OTUD7A: variants seen among roughly 807,000 people sequenced by gnomAD.
OTUD7A encodes OTU domain-containing protein 7A.
A neutral mutation model predicts 65.7 loss-of-function variants in OTUD7A; 12 were observed. The observed-to-expected ratio is 0.18, with a 90% confidence interval of 0.12 to 0.30. The LOEUF (loss-of-function observed/expected upper bound fraction) is 0.30, where lower values mean the gene tolerates loss of function less well. OTUD7A is among the 10% of genes least tolerant of loss of function. The pLI, the probability that OTUD7A is intolerant of heterozygous loss-of-function variation, is 1.00. For missense variants in OTUD7A, 1,148 were observed against 1,304.8 expected, an observed-to-expected ratio of 0.88 and a Z score of 1.85; for synonymous variants, 641 against 586.3, an observed-to-expected ratio of 1.09 and a Z score of -1.35.
At chr15:31,644,237 C>A (rs538776082) in intron 3 of OTUD7A, among the ~76,000 whole-genome samples, 10 of 152,308 alleles carry the variant, frequency 6.6e-5, no homozygotes, top group Admixed American at 3.9e-4. Context: ...AAAACCCTTG[C>A]ATTTCACTGC....
At chr15:31,789,818 G>C (rs549897445) in intron 1 of OTUD7A, among the ~76,000 whole-genome samples, 1 of 150,918 alleles carries the variant, frequency 6.6e-6, no homozygotes, top group Non-Finnish European at 1.5e-5. Context: ...CGATTCTCCT[G>C]CTGAGGTTGG....
intron 1 of OTUD7A, among the ~76,000 whole-genome samples, chr15:31,735,531 C>A: frequency 1.4e-5 from 1 of 69,128 alleles, no homozygotes; most frequent in Non-Finnish European, 4.6e-5. Context: ...GAAACTCTGT[C>A]TCAAAAAAAA....
At chr15:31,802,326 G>A (rs1896156134) in intron 1 of OTUD7A, among the ~76,000 whole-genome samples, 1 of 152,062 alleles carries the variant, frequency 6.6e-6, no homozygotes, top group Admixed American at 6.5e-5. Context: ...TAGGCTGGGA[G>A]GCTAGGCCAG....
At chr15:31,755,960 C>T (rs1475338387) in intron 1 of OTUD7A, among the ~76,000 whole-genome samples, 1 of 152,184 alleles carries the variant, frequency 6.6e-6, no homozygotes, top group Non-Finnish European at 1.5e-5. Flanking sequence ...GGGTTATGGG[C>T]TTAAGCCTTC....
intron 1 of OTUD7A, among the ~76,000 whole-genome samples, chr15:31,741,378 G>C (rs1392689070): frequency 2.0e-5 from 3 of 152,136 alleles, no homozygotes; most frequent in Non-Finnish European, 4.4e-5. Flanking sequence ...TGTGCACAAT[G>C]TGCAGGTTTG....
In OTUD7A at chr15:31,811,191, C is replaced by T. The variant is rs570538394; in HGVS notation, c.-100+59316G>A. On this transcript the variant is annotated intron_variant, in intron 1 of 12. Transcript: ENST00000307050. ...GTGGAAAATATAATAATACTTCTAG[C>T]TAGGGAGAGACAGTGATGGCTGCAT... 2.0e-5 allele frequency among the ~76,000 whole-genome samples: 3 copies of T among 152,078 alleles called. No homozygotes were observed. The South Asian group carries it at 6.2e-4, about 32-fold the overall frequency.
intron 1 of OTUD7A, among the ~76,000 whole-genome samples, chr15:31,750,999 T>C (rs1894620110): frequency 6.6e-6 from 1 of 152,116 alleles, no homozygotes; most frequent in African/African-American, 2.4e-5. Flanking sequence ...AAAATACCCT[T>C]CTGGACATCA....
At chr15:31,833,350 GC>G in intron 1 of OTUD7A, among the ~76,000 whole-genome samples, 1 of 152,306 alleles carries the variant, frequency 6.6e-6, no homozygotes, top group Non-Finnish European at 1.5e-5. Context: ...CACATTTGAT[GC>G]AAGCATGTGT....
At chr15:31,763,893 A>G (rs181326936) in intron 1 of OTUD7A, among the ~76,000 whole-genome samples, 28 of 152,316 alleles carry the variant, frequency 1.8e-4, no homozygotes, top group Admixed American at 1.8e-3. Context: ...TAAAGGAATG[A>G]AAGACAAGAA....
At chr15:31,553,521 A>G (rs1354481622) in intron 5 of OTUD7A, among the ~76,000 whole-genome samples, 1 of 152,024 alleles carries the variant, frequency 6.6e-6, no homozygotes, top group Admixed American at 6.6e-5. Flanking sequence ...TCTGGGCAGC[A>G]ACTTTACAAG....
intron 3 of OTUD7A, among the ~76,000 whole-genome samples, chr15:31,608,792 C>T (rs1003462379): frequency 2.0e-5 from 3 of 152,178 alleles, no homozygotes; most frequent in Non-Finnish European, 2.9e-5. Flanking sequence ...AACAGAGCAG[C>T]GTGCGGAGGC....
intron 3 of OTUD7A, among the ~76,000 whole-genome samples, chr15:31,630,454 A>G (rs1336914808): frequency 6.6e-6 from 1 of 152,124 alleles, no homozygotes; most frequent in Non-Finnish European, 1.5e-5. Context: ...GTGGTCTGAG[A>G]GACAGTTTGT....
chr15:31,653,162 T>C (rs1055403215), intron 3 of OTUD7A, among the ~76,000 whole-genome samples: 5 of 150,944 alleles, frequency 3.3e-5, no homozygotes, highest in African/African-American at 9.8e-5. Flanking sequence ...GGCAGGAAAA[T>C]TGCTTGAACT....
At position 31,530,917 on chromosome 15, in the gene OTUD7A, T is replaced by C. The variant is rs1881160972; in HGVS notation, c.551-109A>G. 8.4e-6 allele frequency: 6 copies of C among 717,592 alleles called. No individual in the cohort carries two copies. The South Asian group carries it at 8.7e-5, about 10-fold the overall frequency. The allele number at this position is 717,592 out of a possible 1,614,324, so 44.5% of individuals were successfully genotyped here. A position where few individuals can be genotyped will look rare whatever the true frequency, so the allele number is the denominator to read the frequency against. Reference sequence around the variant, plus strand: ...GGGACAGATTTTCTACAGGTTTCAATAGAAAGGGGGAACATTATGGCTACT... The same window carrying C: ...GGGACAGATTTTCTACAGGTTTCAACAGAAAGGGGGAACATTATGGCTACT... On this transcript the variant is annotated intron_variant, in intron 5 of 12. Coordinates refer to ENST00000307050, the MANE Select transcript of OTUD7A (RefSeq NM_001382637.1).
chr15:31,846,427 T>C (rs1362616443), intron 1 of OTUD7A, among the ~76,000 whole-genome samples: 1 of 152,102 alleles, frequency 6.6e-6, no homozygotes, highest in African/African-American at 2.4e-5. Context: ...ATATTGCAGA[T>C]ATCAGAGTAA....
chr15:31,527,109 G>A lies in OTUD7A; in HGVS notation c.780+72C>T. 3.1e-6 allele frequency: 5 copies of A among 1,591,736 alleles called. No individual in the cohort carries two copies. In the South Asian group the frequency reaches 4.6e-5, roughly 15 times the overall value. ...CTGTCTGGGGCCTGGAGGCCATGCT[G>A]TGGACTCGACCACGGCCCGAGGCTG... On this transcript the variant is annotated intron_variant, in intron 7 of 12. Transcript: ENST00000307050.
intron 1 of OTUD7A, among the ~76,000 whole-genome samples, chr15:31,841,110 T>C (rs1165948418): frequency 6.6e-6 from 1 of 152,134 alleles, no homozygotes; most frequent in African/African-American, 2.4e-5. Flanking sequence ...CCAATACATC[T>C]GCTTGGTACA....
At chr15:31,793,370 C>T (rs1895869570) in intron 1 of OTUD7A, among the ~76,000 whole-genome samples, 1 of 152,178 alleles carries the variant, frequency 6.6e-6, no homozygotes, top group Admixed American at 6.5e-5. Context: ...CTGCAGCCTC[C>T]ATGGCTTCCC....
chr15:31,497,977 G>A (rs1268180501), intron 10 of OTUD7A, among the ~76,000 whole-genome samples: 3 of 152,212 alleles, frequency 2.0e-5, no homozygotes, highest in African/African-American at 7.2e-5. Flanking sequence ...GGCAGCACCT[G>A]TATGCACCCA....
Sources: allele counts gnomAD v4.1 joint callset (sites outside exome capture counted in the v4.1 genomes callset), GRCh38; gene constraint gnomAD v4.1.1; transcripts MANE v1.5; gene names NCBI Gene and HGNC (gene_info 2026-07-23, HGNC 2026-07-21).